CDH18: variants seen among roughly 807,000 people sequenced by gnomAD.
The protein encoded by CDH18 is cadherin-18.
Under a neutral mutation model 67.9 loss-of-function variants are expected in CDH18, and 31 were observed. The observed-to-expected ratio is 0.46, with a 90% CI of 0.34 to 0.62. The LOEUF (loss-of-function observed/expected upper bound fraction) is 0.62, where lower values mean the gene tolerates loss of function less well. CDH18 is among the 20% of genes least tolerant of loss of function. CDH18 has a pLI of 0.01. For missense variants in CDH18, 890 were observed against 975.5 expected (o/e 0.91, Z 1.17); for synonymous variants, 362 against 347.2 (o/e 1.04, Z -0.48).
At chr5:20,405,906 T>G in intron 1 of CDH18, among the ~76,000 whole-genome samples, 1 of 152,158 alleles carries the variant, frequency 6.6e-6, no homozygotes, top group East Asian at 1.9e-4. Context: ...CCAGTTAGAA[T>G]GGCGATCATT....
intron 1 of CDH18, among the ~76,000 whole-genome samples, chr5:20,402,520 A>C (rs535307869): frequency 6.6e-6 from 1 of 152,346 alleles, no homozygotes; most frequent in South Asian, 2.1e-4. Flanking sequence ...AGTAAAGTGA[A>C]GATAGAAATA....
chr5:19,608,356 T>TA (rs1193890056), intron 6 of CDH18, among the ~76,000 whole-genome samples: 9 of 151,700 alleles, frequency 5.9e-5, no homozygotes, highest in South Asian at 2.1e-4. Flanking sequence ...CTTTGATAAT[T>TA]AAAAAAAATC....
At chr5:19,929,723 G>C (rs551818924) in intron 2 of CDH18, among the ~76,000 whole-genome samples, 1 of 152,002 alleles carries the variant, frequency 6.6e-6, no homozygotes. Flanking sequence ...CTTAAATGTT[G>C]GTGTGTGAAT....
intron 1 of CDH18, among the ~76,000 whole-genome samples, chr5:20,522,869 A>C (rs7721217): frequency 0.017 from 2,564 of 152,324 alleles, 68 homozygotes; most frequent in African/African-American, 0.057. Context: ...AGGAATAAAA[A>C]TCCAATAACT....
chr5:19,648,485 A>C (rs1252810295), intron 5 of CDH18, among the ~76,000 whole-genome samples: 1 of 152,158 alleles, frequency 6.6e-6, no homozygotes. Flanking sequence ...ATGTCTCCTA[A>C]GTAGTTGCAT....
rs548134937 is a variant in CDH18, at chr5:20,377,005, G to A, written c.-579-121500C>T. 6.8e-5 allele frequency among the ~76,000 whole-genome samples: 9 copies of A among 132,458 alleles called. No individual in the cohort carries two copies. The East Asian group carries it at 1.7e-3, about 25-fold the overall frequency. The allele number at this position is 132,458 out of a possible 152,430, so 86.9% of individuals were successfully genotyped here. The stretch of plus-strand genomic sequence containing the variant: ...GCACCCCAACCTGGGTGACAAGAAT[G>A]AGACTCCGTCTCAAAAAAAAAAAAA... On this transcript the variant is annotated intron_variant, in intron 1 of 14. Coordinates refer to the CDH18 transcript ENST00000507958.
chr5:20,047,286 A>T lies in CDH18; in HGVS notation c.-517-55272T>A, dbSNP rs115127619. ...TAGTGGTAAAAATTATATGGTGAAC[A>T]TCAATAAATCCTTAAGGGAAAAGAA... On this transcript the variant is annotated intron_variant, in intron 2 of 14. Coordinates refer to the CDH18 transcript ENST00000507958. Among the ~76,000 whole-genome samples the T allele has an allele frequency of 9.7e-3, 1,480 of 152,040 alleles. 13 individuals are homozygous for T. Among genetic ancestry groups the T allele is most frequent in the African/African-American group, 0.012 (490 of 41,556 alleles).
intron 1 of CDH18, among the ~76,000 whole-genome samples, chr5:20,506,936 T>C (rs1466895665): frequency 2.0e-5 from 3 of 152,186 alleles, no homozygotes; most frequent in African/African-American, 7.2e-5. Context: ...TGGAATGCCA[T>C]GGCAGATCTA....
At chr5:19,523,467 T>C (rs763880164) in intron 9 of CDH18, among the ~76,000 whole-genome samples, 1 of 152,028 alleles carries the variant, frequency 6.6e-6, no homozygotes, top group Non-Finnish European at 1.5e-5. Context: ...TAATATATAA[T>C]TTAACATATT....
intron 1 of CDH18, among the ~76,000 whole-genome samples, chr5:20,328,188 T>C (rs1033096661): frequency 7.9e-5 from 12 of 152,098 alleles, no homozygotes; most frequent in Non-Finnish European, 1.0e-4. Context: ...TTATGGGAGG[T>C]TTGAATGAGG....
chr5:19,481,922 T>C (rs1739491396), intron 12 of CDH18, among the ~76,000 whole-genome samples: 1 of 152,182 alleles, frequency 6.6e-6, no homozygotes, highest in African/African-American at 2.4e-5. Flanking sequence ...ATTCCTTACA[T>C]CCATCTTTCT....
chr5:19,874,068 A>G (rs990198335), intron 2 of CDH18, among the ~76,000 whole-genome samples: 12 of 152,220 alleles, frequency 7.9e-5, no homozygotes, highest in African/African-American at 2.9e-4. Context: ...TACACTCAGA[A>G]GTATGTCATT....
chr5:19,858,493 C>T (rs1040214316), intron 2 of CDH18, among the ~76,000 whole-genome samples: 3 of 152,146 alleles, frequency 2.0e-5, no homozygotes, highest in Admixed American at 6.6e-5. Flanking sequence ...AATTGCAGAT[C>T]AGGAGCATAT....
At chr5:20,108,710 C>T (rs2126320097) in intron 2 of CDH18, among the ~76,000 whole-genome samples, 1 of 152,256 alleles carries the variant, frequency 6.6e-6, no homozygotes, top group East Asian at 1.9e-4. Flanking sequence ...CTGCTGGTTC[C>T]TTCTGTTACT....
intron 10 of CDH18, among the ~76,000 whole-genome samples, chr5:19,516,399 G>A (rs548073180): frequency 6.6e-6 from 1 of 152,102 alleles, no homozygotes; most frequent in African/African-American, 2.4e-5. Context: ...TTTTTCTATT[G>A]ATTGGAATAG....
chr5:20,009,946 T>C (rs1737262688), intron 2 of CDH18, among the ~76,000 whole-genome samples: 1 of 152,150 alleles, frequency 6.6e-6, no homozygotes, highest in Non-Finnish European at 1.5e-5. Flanking sequence ...TCTTTCTTTA[T>C]GTCTGGATTG....
intron 1 of CDH18, among the ~76,000 whole-genome samples, chr5:20,283,141 T>C (rs921200479): frequency 2.1e-5 from 3 of 143,594 alleles, no homozygotes; most frequent in African/African-American, 7.6e-5. Flanking sequence ...GACCTGAAAC[T>C]ATAAAATTAC....
chr5:19,797,908 T>C (rs998723654), intron 3 of CDH18, among the ~76,000 whole-genome samples: 5 of 152,034 alleles, frequency 3.3e-5, no homozygotes, highest in African/African-American at 1.2e-4. Flanking sequence ...TAAGAATTAC[T>C]CTTTGATATT....
chr5:20,552,329 T>G (rs979144408), intron 1 of CDH18, among the ~76,000 whole-genome samples: 1 of 152,004 alleles, frequency 6.6e-6, no homozygotes, highest in Non-Finnish European at 1.5e-5. Flanking sequence ...ATACAAAAAT[T>G]AGCTGGGCGT....
Sources: allele counts gnomAD v4.1 joint callset (sites outside exome capture counted in the v4.1 genomes callset), GRCh38; gene constraint gnomAD v4.1.1; transcripts MANE v1.5; gene names NCBI Gene and HGNC (gene_info 2026-07-23, HGNC 2026-07-21).